CLVS1: variants seen among roughly 807,000 people sequenced by gnomAD.
CLVS1 encodes clavesin 1.
In CLVS1, 10 loss-of-function variants were observed where a neutral mutation model predicts 33.1. The ratio of observed to expected loss-of-function variants is 0.30; its 90% confidence interval spans 0.19 to 0.51. The LOEUF is 0.51. Among genes scored for constraint, CLVS1 ranks in the 20% least tolerant of loss-of-function variants. The pLI, the probability that CLVS1 is intolerant of heterozygous loss-of-function variation, is 0.97. For synonymous variants in CLVS1, 163 were observed against 166.1 expected, an observed-to-expected ratio of 0.98 and a Z score of 0.14; for missense variants, 343 against 433.4, an observed-to-expected ratio of 0.79 and a Z score of 1.85.
upstream of CLVS1, among the ~76,000 whole-genome samples, chr8:61,285,242 G>A (rs1585748264): frequency 6.6e-6 from 1 of 152,146 alleles, no homozygotes; most frequent in Non-Finnish European, 1.5e-5. Flanking sequence ...ATACTTATTT[G>A]CAACTGCCTT....
chr8:61,235,126 A>G (rs1334056796), intron 2 of CLVS1, among the ~76,000 whole-genome samples: 19 of 152,102 alleles, frequency 1.2e-4, no homozygotes, highest in Admixed American at 1.3e-4. Context: ...TGGAGAGAGC[A>G]TCTCAATGAC....
At chr8:61,382,995 G>A (rs1813945253) in intron 3 of CLVS1, among the ~76,000 whole-genome samples, 1 of 152,220 alleles carries the variant, frequency 6.6e-6, no homozygotes, top group Non-Finnish European at 1.5e-5. Flanking sequence ...CAATGTTAGA[G>A]TGTTGTTGAA....
chr8:60,990,823 C>T, the CLVS1 span, among the ~76,000 whole-genome samples: 1 of 151,706 alleles, frequency 6.6e-6, no homozygotes, highest in Admixed American at 6.6e-5. Flanking sequence ...ATTCTCCTGT[C>T]TCAGCCTCCC....
At chr8:61,492,264 T>C (rs1340026319) in intron 5 of CLVS1, among the ~76,000 whole-genome samples, 1 of 152,252 alleles carries the variant, frequency 6.6e-6, no homozygotes, top group South Asian at 2.1e-4. Context: ...TTTAATGTCT[T>C]CTTTAACCTA....
chr8:61,318,098 G>A (rs951492301), intron 2 of CLVS1, among the ~76,000 whole-genome samples: 14 of 152,222 alleles, frequency 9.2e-5, no homozygotes, highest in African/African-American at 1.4e-4. Context: ...TTATGTCAGC[G>A]TGTATTTAGT....
At chr8:61,018,454 C>T in the CLVS1 span, among the ~76,000 whole-genome samples, 25,515 of 151,986 alleles carry the variant, frequency 0.17, 2,461 homozygotes, top group East Asian at 0.3. Context: ...AGAAGTTGAC[C>T]CAGTGGAGAT....
At chr8:61,241,655 G>A (rs67642236) in intron 2 of CLVS1, among the ~76,000 whole-genome samples, 22,014 of 152,128 alleles carry the variant, frequency 0.14, 3,350 homozygotes, top group East Asian at 0.68. Flanking sequence ...CATACATTGG[G>A]AACCTTGCAA....
chr8:61,096,821 G>A (rs551468214), intron 1 of CLVS1, among the ~76,000 whole-genome samples: 4 of 152,174 alleles, frequency 2.6e-5, no homozygotes, highest in South Asian at 2.1e-4. Flanking sequence ...TGCTTCCTTT[G>A]CCTCACCTCA....
chr8:61,289,979 A>G (rs925747723), intron 1 of CLVS1, among the ~76,000 whole-genome samples: 2 of 152,240 alleles, frequency 1.3e-5, no homozygotes, highest in East Asian at 3.8e-4. Context: ...CATCCACATA[A>G]TGTCCTTGGC....
intron 2 of CLVS1, among the ~76,000 whole-genome samples, chr8:61,144,936 G>A (rs1806384543): frequency 6.6e-6 from 1 of 152,120 alleles, no homozygotes; most frequent in Admixed American, 6.5e-5. Flanking sequence ...TCACCATGTT[G>A]GTCAGGCAGG....
At chr8:60,970,146 A>G in the CLVS1 span, among the ~76,000 whole-genome samples, 1 of 152,234 alleles carries the variant, frequency 6.6e-6, no homozygotes, top group South Asian at 2.1e-4. Flanking sequence ...GCTGCTCTGG[A>G]TTAAAGTTGT....
intron 2 of CLVS1, among the ~76,000 whole-genome samples, chr8:61,151,750 A>G (rs750780037): frequency 2.0e-5 from 3 of 152,188 alleles, no homozygotes; most frequent in Non-Finnish European, 4.4e-5. Flanking sequence ...CCTAGCATCT[A>G]ACAAGTGGCT....
the CLVS1 span, among the ~76,000 whole-genome samples, chr8:61,000,554 A>G: frequency 2.6e-5 from 4 of 152,230 alleles, no homozygotes; most frequent in Non-Finnish European, 5.9e-5. Flanking sequence ...GCATGAAACC[A>G]TTTGTTTGGG....
chr8:61,253,198 A>T lies in CLVS1; in HGVS notation c.-151-46479A>T, dbSNP rs186394225. Among the ~76,000 whole-genome samples the T allele has an allele frequency of 4.6e-5, 7 of 152,298 alleles. No homozygotes were observed. The East Asian group carries it at 1.2e-3, about 25-fold the overall frequency. On this transcript the variant is annotated intron_variant, in intron 2 of 2. Transcript: ENST00000522621. The stretch of plus-strand genomic sequence containing the variant: ...CTTATGAAGCTTAGTTTGGCTGGAT[A>T]TGAAATTTTGGGTTGAAAATTCTTT...
At chr8:61,062,398 G>T (rs1265345884) in intron 1 of CLVS1, among the ~76,000 whole-genome samples, 1 of 152,194 alleles carries the variant, frequency 6.6e-6, no homozygotes, top group Admixed American at 6.5e-5. Context: ...TAGGAGCAAA[G>T]GCAGTTTGCC....
intron 1 of CLVS1, among the ~76,000 whole-genome samples, chr8:61,299,280 C>T (rs1810340968): frequency 6.6e-6 from 1 of 152,128 alleles, no homozygotes; most frequent in South Asian, 2.1e-4. Flanking sequence ...TTTACCATAG[C>T]TATAATTTCT....
intron 1 of CLVS1, chr8:61,090,906 G>A (rs776391013): frequency 2.9e-5 from 15 of 518,776 alleles, no homozygotes; most frequent in South Asian, 2.1e-4. Context: ...GAGTTAAGAT[G>A]TTGGGGGACC....
At chr8:61,432,290 A>G (rs1816144161) in intron 3 of CLVS1, among the ~76,000 whole-genome samples, 2 of 152,140 alleles carry the variant, frequency 1.3e-5, no homozygotes, top group Admixed American at 1.3e-4. Context: ...ATCATCATTC[A>G]CTTAACACTA....
At chr8:61,060,863 A>G (rs1295189871) in intron 1 of CLVS1, among the ~76,000 whole-genome samples, 2 of 152,208 alleles carry the variant, frequency 1.3e-5, no homozygotes, top group Non-Finnish European at 2.9e-5. Context: ...CCTGATAACA[A>G]AATCTGAGCC....
Sources: allele counts gnomAD v4.1 joint callset (sites outside exome capture counted in the v4.1 genomes callset), GRCh38; gene constraint gnomAD v4.1.1; transcripts MANE v1.5; gene names NCBI Gene and HGNC (gene_info 2026-07-23, HGNC 2026-07-21).